Variants in DISC1 observed in about 807,000 individuals in gnomAD.
DISC1 encodes DISC1 scaffold protein, also known as disrupted in schizophrenia 1 protein.
Under a neutral mutation model 84.5 loss-of-function variants are expected in DISC1, and 57 were observed. That is an observed-to-expected ratio of 0.67 (90% CI 0.55 to 0.84). The LOEUF is 0.84. Ranked by LOEUF, DISC1 falls within the 40% of genes least tolerant of loss-of-function variation. DISC1 has a pLI of 0.00. For missense variants in DISC1, 1,000 were observed against 1,057.8 expected (o/e 0.95, Z 0.76); for synonymous variants, 411 against 415.2 (o/e 0.99, Z 0.12).
intron 9 of DISC1, among the ~76,000 whole-genome samples, chr1:231,838,279 TC>T (rs11340570): frequency 0.053 from 8,071 of 152,312 alleles, 270 homozygotes; most frequent in African/African-American, 0.088. Context: ...TGAACTGTGT[TC>T]CGGTTGCTTA....
chr1:231,973,072 A>G (rs1266800761), intron 10 of DISC1, among the ~76,000 whole-genome samples: 6 of 136,244 alleles, frequency 4.4e-5, no homozygotes, highest in African/African-American at 1.4e-4. Flanking sequence ...TTTGAGATGG[A>G]GTCTCACTCT....
At position 231,750,603 on chromosome 1, in the gene DISC1, T is replaced by C. The variant is rs116107196; in HGVS notation, c.1268+527T>C. On this transcript the variant is annotated intron_variant, in intron 4 of 12. Coordinates refer to ENST00000439617, the MANE Select transcript of DISC1 (RefSeq NM_018662.3). ...CCAGTGGCTTGTGGTCCTGGCTGCATGTTTGAATAACTTAGAAAGATTTAA... is the reference window on the plus strand; with the variant it reads ...CCAGTGGCTTGTGGTCCTGGCTGCACGTTTGAATAACTTAGAAAGATTTAA... 1.7e-3 allele frequency: 1,635 copies of C among 984,404 alleles called. 28 individuals are homozygous for C. The African/African-American group carries it at 0.027, about 16-fold the overall frequency. The allele number at this position is 984,404 out of a possible 1,614,324, so 61.0% of individuals were successfully genotyped here.
At chr1:231,723,189 T>C in intron 3 of DISC1, 1 of 853,624 alleles carries the variant, frequency 1.2e-6, no homozygotes, top group Non-Finnish European at 1.4e-6. Flanking sequence ...GCGAATGCTG[T>C]ATTTTTGATT....
chr1:231,664,675 C>T (rs368856735), intron 1 of DISC1, among the ~76,000 whole-genome samples: 6 of 152,236 alleles, frequency 3.9e-5, no homozygotes, highest in African/African-American at 1.4e-4. Context: ...TCACTTTGAC[C>T]TCCAGAACTG....
At chr1:231,887,690 G>GT (rs987479021) in intron 9 of DISC1, among the ~76,000 whole-genome samples, 9 of 152,162 alleles carry the variant, frequency 5.9e-5, no homozygotes, top group Non-Finnish European at 1.3e-4. Context: ...GGGATTATTT[G>GT]TAAGTTATCA....
intron 2 of DISC1, among the ~76,000 whole-genome samples, chr1:231,696,987 A>C (rs2065795873): frequency 6.6e-6 from 1 of 152,204 alleles, no homozygotes; most frequent in Non-Finnish European, 1.5e-5. Context: ...TGACAGAAAT[A>C]ACACAGTCCA....
intron 6 of DISC1, among the ~76,000 whole-genome samples, chr1:231,780,765 G>A (rs1439915065): frequency 1.1e-5 from 1 of 91,874 alleles, no homozygotes; most frequent in Non-Finnish European, 2.2e-5. Context: ...CAACCCAGAT[G>A]TCCATCAATG....
In DISC1 at chr1:231,733,423, G is replaced by A. The variant is rs546701818; in HGVS notation, c.1118-16503G>A. ...ACTGGTGACTGTAGAAGTGGTGGTGGTTGTAGGAATGGTGGTGATGGTGGT... is the reference window on the plus strand; with the variant it reads ...ACTGGTGACTGTAGAAGTGGTGGTGATTGTAGGAATGGTGGTGATGGTGGT... On this transcript the variant is annotated intron_variant, in intron 3 of 12. Coordinates refer to ENST00000439617, the MANE Select transcript of DISC1 (RefSeq NM_018662.3). Among the ~76,000 whole-genome samples the A allele has an allele frequency of 6.0e-5, 9 of 151,102 alleles. No homozygotes were observed. The South Asian group carries it at 1.3e-3, about 21-fold the overall frequency.
chr1:231,818,266 C>A, intron 8 of DISC1, 63 bp from the exon 9 acceptor site: 5 of 1,518,652 alleles, frequency 3.3e-6, no homozygotes, highest in Middle Eastern at 4.5e-4. Context: ...GCTGCTAGAT[C>A]TTCCATGTGT....
At chr1:231,950,282 A>G (rs1380128523) in intron 9 of DISC1, among the ~76,000 whole-genome samples, 3 of 151,712 alleles carry the variant, frequency 2.0e-5, no homozygotes, top group Admixed American at 2.0e-4. Context: ...CAGGAGAAAG[A>G]ATCAAAGAAT....
At chr1:231,808,810 A>G (rs2079976831) in intron 8 of DISC1, among the ~76,000 whole-genome samples, 2 of 152,218 alleles carry the variant, frequency 1.3e-5, no homozygotes, top group Non-Finnish European at 1.5e-5. Flanking sequence ...TGGGCATCCC[A>G]GGTAAAACCT....
chr1:231,917,098 A>G (rs546921719), intron 9 of DISC1, among the ~76,000 whole-genome samples: 1 of 152,346 alleles, frequency 6.6e-6, no homozygotes, highest in East Asian at 1.9e-4. Context: ...CATAATGTTA[A>G]AATACAGATA....
rs919944242 is a variant in DISC1 at position 231,829,683 on chromosome 1, C to T, written c.1981+11166C>T. Among the ~76,000 whole-genome samples, 4 of 152,166 alleles carry T rather than the reference C, an allele frequency of 2.6e-5. No individual in the cohort carries two copies. The East Asian group carries it at 5.8e-4, about 22-fold the overall frequency. On this transcript the variant is annotated intron_variant, in intron 9 of 12. Coordinates refer to ENST00000439617, the MANE Select transcript of DISC1 (RefSeq NM_018662.3). ...TTTCATTGTGTGTTTCACTCACGTC[C>T]GTGTGAAGAGACACCAAACAGGCTT...
chr1:231,773,650 C>G (rs1393492823), intron 6 of DISC1, among the ~76,000 whole-genome samples: 1 of 152,148 alleles, frequency 6.6e-6, no homozygotes, highest in Non-Finnish European at 1.5e-5. Context: ...TCCCAAAGTG[C>G]TGAGATTACA....
intron 1 of DISC1, among the ~76,000 whole-genome samples, chr1:231,653,951 A>G (rs1244556385): frequency 2.0e-5 from 3 of 152,246 alleles, no homozygotes; most frequent in Admixed American, 6.5e-5. Flanking sequence ...CAGTCATCAC[A>G]GGCCCAAAGC....
rs1036830548 is a variant in DISC1, at chr1:231,665,572, T to C, written c.68-28254T>C. On this transcript the variant is annotated intron_variant, in intron 1 of 12. Transcript: ENST00000439617. ...AAAGTACAGTAGTGTAAATACATTT[T>C]CTCTTCCTTATGATTTTCTTAATAT... Among the ~76,000 whole-genome samples, 21 of 152,246 alleles carry C rather than the reference T, an allele frequency of 1.4e-4. 1 individual carries two copies. The highest frequency in any genetic ancestry group is 2.9e-4 in the Non-Finnish European group (20 of 68,052).
intron 9 of DISC1, among the ~76,000 whole-genome samples, chr1:231,895,740 T>C (rs149200445): frequency 9.9e-5 from 15 of 152,248 alleles, no homozygotes; most frequent in African/African-American, 3.4e-4. Context: ...GCTGTACCAG[T>C]CTCATAAAAT....
chr1:231,837,009 C>T lies in DISC1; in HGVS notation c.1981+18492C>T, dbSNP rs559311019. On this transcript the variant is annotated intron_variant, in intron 9 of 12. Coordinates refer to ENST00000439617, the MANE Select transcript of DISC1 (RefSeq NM_018662.3). ...GATTATTCATTCTATTTTGCCACAT[C>T]TAATGTAATATTTAATAGCATCTAT... Among the ~76,000 whole-genome samples, 4 of 152,162 alleles carry T rather than the reference C, an allele frequency of 2.6e-5. No individual in the cohort carries two copies. In the East Asian group the frequency reaches 7.7e-4, roughly 29 times the overall value.
intron 4 of DISC1, among the ~76,000 whole-genome samples, chr1:231,763,984 T>C (rs1412840163): frequency 2.6e-5 from 4 of 152,212 alleles, no homozygotes; most frequent in East Asian, 1.9e-4. Flanking sequence ...TTTTCTTTTC[T>C]AAGAAATGCG....
Sources: allele counts gnomAD v4.1 joint callset (sites outside exome capture counted in the v4.1 genomes callset), GRCh38; gene constraint gnomAD v4.1.1; transcripts MANE v1.5; gene names NCBI Gene and HGNC (gene_info 2026-07-23, HGNC 2026-07-21).